ELF5: variants seen among roughly 807,000 people sequenced by gnomAD.
ELF5 encodes the protein E74 like ETS transcription factor 5, also known as ETS-related transcription factor Elf-5.
In ELF5, 31 loss-of-function variants were observed where a neutral mutation model predicts 38.2. The ratio of observed to expected loss-of-function variants is 0.81; its 90% CI spans 0.61 to 1.10. ELF5 has a LOEUF of 1.10. Ranked by LOEUF, ELF5 falls within the 50% of genes least tolerant of loss-of-function variation. The pLI, the probability that ELF5 is intolerant of heterozygous loss-of-function variation, is 0.00. For synonymous variants in ELF5, 121 were observed against 112.5 expected (o/e 1.08, Z -0.48); for missense variants, 300 against 306.6 (o/e 0.98, Z 0.16).
At chr11:34,503,623 A>G (rs1850530701) in intron 2 of ELF5, among the ~76,000 whole-genome samples, 3 of 150,014 alleles carry the variant, frequency 2.0e-5, no homozygotes, top group African/African-American at 4.9e-5. Context: ...CAATTTTTAA[A>G]CAATTTTTTG....
intron 1 of ELF5, among the ~76,000 whole-genome samples, chr11:34,506,866 C>T (rs1402988594): frequency 6.6e-6 from 1 of 152,038 alleles, no homozygotes; most frequent in Non-Finnish European, 1.5e-5. Context: ...GTGATTAATC[C>T]ATAATTCTGA....
intron 2 of ELF5, among the ~76,000 whole-genome samples, chr11:34,496,345 A>C (rs2133889100): frequency 6.6e-6 from 1 of 152,220 alleles, no homozygotes; most frequent in African/African-American, 2.4e-5. Context: ...AAGCCCCAGA[A>C]CTGGGAGGAA....
chr11:34,503,464 A>ACCTT (rs1850523119), intron 2 of ELF5, among the ~76,000 whole-genome samples: 1 of 123,914 alleles, frequency 8.1e-6, no homozygotes, highest in South Asian at 2.5e-4. Context: ...CTGCTCCCCA[A>ACCTT]CCTTTTTTTT....
chr11:34,503,644 G>T (rs1275658539), intron 2 of ELF5, among the ~76,000 whole-genome samples: 1 of 151,972 alleles, frequency 6.6e-6, no homozygotes, highest in South Asian at 2.1e-4. Flanking sequence ...TAGATACAAG[G>T]TCTCACTATG....
intron 1 of ELF5, chr11:34,511,571 G>A (rs745478618): frequency 6.2e-7 from 1 of 1,614,214 alleles, no homozygotes; most frequent in East Asian, 2.2e-5. Flanking sequence ...AGATGGCATG[G>A]AAGCTGAGGT....
At chr11:34,512,139 G>A (rs1319827431) in intron 1 of ELF5, among the ~76,000 whole-genome samples, 1 of 152,140 alleles carries the variant, frequency 6.6e-6, no homozygotes, top group East Asian at 1.9e-4. Context: ...CCTAAGAAGG[G>A]GCCCACTGAG....
At chr11:34,489,988 G>A in intron 4 of ELF5, 21 bp downstream of exon 4, 2 of 1,613,702 alleles carry the variant, frequency 1.2e-6, no homozygotes, top group Non-Finnish European at 1.7e-6. Context: ...AGCCTTGGGT[G>A]GCTTGCGCTT....
intron 4 of ELF5, among the ~76,000 whole-genome samples, chr11:34,482,928 C>T (rs1856974480): frequency 6.6e-6 from 1 of 152,052 alleles, no homozygotes; most frequent in African/African-American, 2.4e-5. Flanking sequence ...TAACTCCGTG[C>T]TGATTTAACT....
In ELF5 at chr11:34,489,839, C is replaced by T. The variant is rs576841083; in HGVS notation, c.406+170G>A. On this transcript the variant is annotated intron_variant, in intron 4 of 6. Transcript: ENST00000257832. ...AGCTATGGTCCTACAGACCCACACCCACGCTCTTTCTGTCACACTCTTTCC... is the reference window on the plus strand; with the variant it reads ...AGCTATGGTCCTACAGACCCACACCTACGCTCTTTCTGTCACACTCTTTCC... Among the ~76,000 whole-genome samples the T allele has an allele frequency of 9.2e-5, 14 of 151,918 alleles. No individual in the cohort carries two copies. In the East Asian group the frequency reaches 1.2e-3, roughly 13 times the overall value.
chr11:34,503,507 G>A lies in ELF5; in HGVS notation c.121+2122C>T, dbSNP rs376996927. Among the ~76,000 whole-genome samples, 10 of 151,338 alleles carry A rather than the reference G, an allele frequency of 6.6e-5. No individual in the cohort carries two copies. The East Asian group carries it at 1.8e-3, about 26-fold the overall frequency. ...ACTGTCGCTCAGGCTGGAGTGCAGT[G>A]GCGTGACTGCAGCTCACTGCAGCCT... On this transcript the variant is annotated intron_variant, in intron 2 of 6. Coordinates refer to ENST00000257832, the MANE Select transcript of ELF5 (RefSeq NM_001422.4).
At chr11:34,498,458 CA>C (rs1383385467) in intron 2 of ELF5, among the ~76,000 whole-genome samples, 2 of 152,186 alleles carry the variant, frequency 1.3e-5, no homozygotes, top group African/African-American at 4.8e-5. Context: ...GCTTAGAAAC[CA>C]AACCTAGCTA....
intron 4 of ELF5, among the ~76,000 whole-genome samples, chr11:34,489,060 C>T (rs759114171): frequency 1.4e-4 from 22 of 152,218 alleles, no homozygotes; most frequent in Non-Finnish European, 2.5e-4. Context: ...CAGAGCTGCT[C>T]GTGTGAGGGC....
At chr11:34,513,146 G>C (rs992995094) in intron 1 of ELF5, among the ~76,000 whole-genome samples, 29 of 152,314 alleles carry the variant, frequency 1.9e-4, no homozygotes, top group African/African-American at 7.0e-4. Context: ...TCTCTTCTGG[G>C]GAGATGTCAG....
chr11:34,509,722 GA>G (rs1284287401), intron 1 of ELF5, among the ~76,000 whole-genome samples: 1 of 152,184 alleles, frequency 6.6e-6, no homozygotes, highest in African/African-American at 2.4e-5. Context: ...CTGGACTTCA[GA>G]AAAGTTCCTT....
rs111444312 is a variant in ELF5, at chr11:34,484,481, A to ATCCTATCCTATCCTATCCTAT, written c.407-1983_407-1982insATAGGATAGGATAGGATAGGA. 1.1e-4 allele frequency among the ~76,000 whole-genome samples: 13 copies of ATCCTATCCTATCCTATCCTAT among 115,922 alleles called. No homozygotes were observed. The East Asian group carries it at 2.5e-3, about 22-fold the overall frequency. 76.0% of individuals were successfully genotyped at this position (115,922 alleles called of 152,430 possible). On this transcript the variant is annotated intron_variant, in intron 4 of 6. Coordinates refer to ENST00000257832, the MANE Select transcript of ELF5 (RefSeq NM_001422.4). ...ATACTGTACTGTGCTACACTATACT[A>ATCCTATCCTATCCTATCCTAT]ACTATACTATACTATACTATACTAT...
chr11:34,511,510 T>A (rs1391382512), intron 1 of ELF5: 5 of 1,614,136 alleles, frequency 3.1e-6, no homozygotes, highest in Non-Finnish European at 4.2e-6. Context: ...TCAGGTGGGC[T>A]CACTTCACAC....
chr11:34,480,384 T>C lies in ELF5; in HGVS notation c.672-70A>G, dbSNP rs1357360301. 4.2e-6 allele frequency: 5 copies of C among 1,189,148 alleles called. No individual in the cohort carries two copies. In the African/African-American group the frequency reaches 4.5e-5, roughly 11 times the overall value. 73.7% of individuals were successfully genotyped at this position (1,189,148 alleles called of 1,614,324 possible). On this transcript the variant is annotated intron_variant, in intron 6 of 6. Coordinates refer to ENST00000257832, the MANE Select transcript of ELF5 (RefSeq NM_001422.4). ...TAGGAAAACAACAGAACACAAACAC[T>C]GTCTCCTCATTCCTCTCAGGTGACA... is the stretch of plus-strand genomic sequence containing the variant.
In ELF5 at chr11:34,480,041, C is replaced by T. The variant is rs1856895462; in HGVS notation, c.*177G>A. The stretch of plus-strand genomic sequence containing the variant: ...AGGATTTCTTAAGAGTTTCTGCTCT[C>T]ACCCTCCATAGACAACAACTCTGAA... On this transcript the variant is annotated 3_prime_UTR_variant, in exon 7 of 7. Coordinates refer to ENST00000257832, the MANE Select transcript of ELF5 (RefSeq NM_001422.4). 2 of 606,188 alleles carry T rather than the reference C, an allele frequency of 3.3e-6. No individual in the cohort carries two copies. Among genetic ancestry groups the T allele is most frequent in the African/African-American group, 1.9e-5 (1 of 53,840 alleles). The allele number at this position is 606,188 out of a possible 1,614,324, so 37.6% of individuals were successfully genotyped here.
chr11:34,493,654 C>T lies in ELF5; in HGVS notation c.180G>A (p.Trp60Ter), dbSNP rs1348857872. ...GGTCGCAGCAGAACTGGAGCCACTC[C>T]CACACATGGCGCTTAGTCCAGTATT... is the stretch of plus-strand genomic sequence containing the variant. ...HPEYWTKRHV[W>*]EWLQFCCDQY... The change falls in exon 3 of 7, where the codon TGG becomes TGA. Residue 60 changes from tryptophan (W) to a stop codon, truncating the protein, a stop_gained. Coordinates refer to ENST00000257832, the MANE Select transcript of ELF5 (RefSeq NM_001422.4). LOFTEE classifies it high-confidence loss of function. 6.2e-7 allele frequency: 1 copy of T among 1,614,190 alleles called. No individual in the cohort carries two copies.
Sources: allele counts gnomAD v4.1 joint callset (sites outside exome capture counted in the v4.1 genomes callset), GRCh38; gene constraint gnomAD v4.1.1; transcripts MANE v1.5; gene names NCBI Gene and HGNC (gene_info 2026-07-23, HGNC 2026-07-21).